Variants in GPT2 observed in about 807,000 individuals in gnomAD.
The protein encoded by GPT2 is glutamic--pyruvic transaminase 2.
GPT2 carries 30 observed loss-of-function variants against 56.9 expected under a neutral mutation model. The observed-to-expected ratio is 0.53, with a 90% CI of 0.39 to 0.72. The LOEUF is 0.72. GPT2 is among the 30% of genes least tolerant of loss of function. GPT2 has a pLI of 0.00. For synonymous variants in GPT2, 271 were observed against 283.1 expected (o/e 0.96, Z 0.43); for missense variants, 542 against 703.4 (o/e 0.77, Z 2.60).
At chr16:46,920,723 G>C (rs1961270963) in intron 8 of GPT2, among the ~76,000 whole-genome samples, 1 of 152,222 alleles carries the variant, frequency 6.6e-6, no homozygotes, top group South Asian at 2.1e-4. Flanking sequence ...TCTGGGCGCA[G>C]GCTAACAGGC....
Position 46,928,921 on chromosome 16 carries a change from C to T in GPT2, c.1496C>T (p.Pro499Leu). ...TCTCCTGCCAGGATGACTATCCTCC[C>T]TCCAGTGGAGAAGCTGAAAACGGTG... ...GTYHFRMTILPPVEKLKTVLQ... is the reference protein window; with the variant it reads ...GTYHFRMTILLPVEKLKTVLQ... Residue 499 changes from proline (P) to leucine (L), a missense_variant, in exon 12 of 12, where the codon CCT becomes CTT. Coordinates refer to ENST00000340124, the MANE Select transcript of GPT2 (RefSeq NM_133443.4). The T allele has an allele frequency of 1.2e-6, 2 of 1,613,844 alleles. No individual in the cohort carries two copies. The highest frequency in any genetic ancestry group is 1.7e-6 in the Non-Finnish European group (2 of 1,179,712).
At chr16:46,895,030 C>T (rs912211374) in intron 2 of GPT2, among the ~76,000 whole-genome samples, 1 of 152,086 alleles carries the variant, frequency 6.6e-6, no homozygotes, top group Non-Finnish European at 1.5e-5. Context: ...CCACAAGGGG[C>T]TTAGAGGACC....
At chr16:46,923,587 C>T (rs1039854754) in intron 9 of GPT2, among the ~76,000 whole-genome samples, 22 of 152,250 alleles carry the variant, frequency 1.4e-4, no homozygotes, top group Admixed American at 2.6e-4. Context: ...ATGCTCCCCA[C>T]GTGGACAGGC....
At chr16:46,885,304 AG>A in intron 2 of GPT2, 1 of 948,508 alleles carries the variant, frequency 1.1e-6, no homozygotes, top group Non-Finnish European at 1.3e-6. Flanking sequence ...GAAGCAATAG[AG>A]TCTCAGTGAT....
At position 46,909,860 on chromosome 16, in the gene GPT2, G is replaced by A. The variant is rs760209746; in HGVS notation, c.753G>A (p.Ala251=). The A allele has an allele frequency of 1.4e-5, 23 of 1,613,998 alleles. No individual in the cohort carries two copies. The highest frequency in any genetic ancestry group is 8.3e-5 in the Admixed American group (5 of 60,000). The change falls in exon 6 of 12, where the codon GCG becomes GCA. Residue 251 remains alanine, a synonymous_variant. Coordinates refer to ENST00000340124, the MANE Select transcript of GPT2 (RefSeq NM_133443.4). The stretch of plus-strand genomic sequence containing the variant: ...TGAATGTGAATGAGCTCCGGCGGGC[G>A]GTGCAGGAGGCCAAAGACCACTGTG... ...WALNVNELRR[A]VQEAKDHCDP...
intron 6 of GPT2, 64 bp from the exon 7 acceptor site, chr16:46,916,564 C>G: frequency 7.9e-7 from 1 of 1,265,224 alleles, no homozygotes; most frequent in Non-Finnish European, 1.2e-6. Flanking sequence ...GGATGGGCTT[C>G]TGACCTGGGG....
intron 7 of GPT2, 102 bp downstream of exon 7, chr16:46,916,809 T>A: frequency 1.2e-6 from 1 of 835,060 alleles, no homozygotes; most frequent in South Asian, 1.4e-5. Flanking sequence ...TGTCTTGGTG[T>A]TGGAGGAATG....
In GPT2 at chr16:46,897,875, T is replaced by C. The variant is rs1420846328; in HGVS notation, c.333+138T>C. The C allele has an allele frequency of 7.3e-6, 5 of 688,660 alleles. No individual in the cohort carries two copies. The African/African-American group carries it at 9.1e-5, about 12-fold the overall frequency. The allele number at this position is 688,660 out of a possible 1,614,324, so 42.7% of individuals were successfully genotyped here. On this transcript the variant is annotated intron_variant, in intron 3 of 11. Coordinates refer to ENST00000340124, the MANE Select transcript of GPT2 (RefSeq NM_133443.4). ...CCTCTGGCTGTCTCCCTTAGCCTCC[T>C]TCCTGCCTTTCTGAGGTTGTTGAAA...
chr16:46,902,257 G>T (rs1452997540), intron 4 of GPT2, among the ~76,000 whole-genome samples: 1 of 152,184 alleles, frequency 6.6e-6, no homozygotes, highest in Non-Finnish European at 1.5e-5. Context: ...ATGGTTTTTG[G>T]GACCCACCCT....
intron 5 of GPT2, among the ~76,000 whole-genome samples, chr16:46,908,195 G>A (rs566135871): frequency 6.6e-6 from 1 of 151,714 alleles, no homozygotes; most frequent in African/African-American, 2.4e-5. Flanking sequence ...GGAGCCTGCA[G>A]TCCTGGGCTT....
At chr16:46,907,122 A>G in intron 5 of GPT2, 147 bp downstream of exon 5, 1 of 993,438 alleles carries the variant, frequency 1.0e-6, no homozygotes, top group Non-Finnish European at 1.5e-6. Flanking sequence ...GGCAGCCTGC[A>G]GTCTTTGCCT....
intron 2 of GPT2, among the ~76,000 whole-genome samples, chr16:46,890,392 G>T (rs1960563672): frequency 6.6e-6 from 1 of 152,140 alleles, no homozygotes; most frequent in Non-Finnish European, 1.5e-5. Context: ...CCCACACCCT[G>T]CCATTCTCCT....
rs1366576012 is a variant in GPT2 at position 46,924,370 on chromosome 16, T to G, written c.1213-19T>G. 1 of 1,613,734 alleles carries G rather than the reference T, an allele frequency of 6.2e-7. No individual in the cohort carries two copies. ...TATCCAGAGATACTGACTGCTGTGC[T>G]GTTTCCATCTCTCATCAGGAGAAGG... On this transcript the variant is annotated intron_variant, in intron 9 of 11. Transcript: ENST00000340124.
chr16:46,894,776 C>T (rs1183819899), intron 2 of GPT2, among the ~76,000 whole-genome samples: 4 of 152,196 alleles, frequency 2.6e-5, no homozygotes, highest in Non-Finnish European at 5.9e-5. Context: ...TGCCATTCTC[C>T]TGCCTCAGCG....
intron 6 of GPT2, chr16:46,916,354 TAA>T (rs796492430): frequency 4.4e-4 from 105 of 238,298 alleles, no homozygotes; most frequent in Middle Eastern, 1.4e-3. Context: ...TCAAAAAAAT[TAA>T]AAAAAAAAAA....
At chr16:46,917,781 TACAC>T (rs1185170656) in intron 7 of GPT2, among the ~76,000 whole-genome samples, 1 of 151,948 alleles carries the variant, frequency 6.6e-6, no homozygotes, top group Non-Finnish European at 1.5e-5. Context: ...CACACATACA[TACAC>T]ACACAGCTTA....
intron 6 of GPT2, among the ~76,000 whole-genome samples, chr16:46,913,741 CAT>C (rs139532893): frequency 6.6e-6 from 1 of 151,644 alleles, no homozygotes; most frequent in Non-Finnish European, 1.5e-5. Context: ...TACTGTTTTG[CAT>C]ATATATATAT....
chr16:46,930,833 TAA>T lies in GPT2; in HGVS notation c.*1840_*1841del, dbSNP rs1039008787. ...ACTTTACAACGTTTACACAGTTTTT[TAA>T]AAAGAGACTGTATACACTTGATTTG... is the stretch of plus-strand genomic sequence containing the variant. On this transcript the variant is annotated 3_prime_UTR_variant, in exon 12 of 12. Coordinates refer to ENST00000340124, the MANE Select transcript of GPT2 (RefSeq NM_133443.4). 1 of 152,638 alleles carries T rather than the reference TAA, an allele frequency of 6.6e-6. No individual in the cohort carries two copies. The highest frequency in any genetic ancestry group is 2.4e-5 in the African/African-American group (1 of 41,456). 9.5% of individuals were successfully genotyped at this position (152,638 alleles called of 1,614,324 possible).
intron 7 of GPT2, among the ~76,000 whole-genome samples, chr16:46,918,197 C>T (rs1961210722): frequency 6.6e-6 from 1 of 152,136 alleles, no homozygotes; most frequent in South Asian, 2.1e-4. Context: ...GCAAAGGAAA[C>T]CCAACAGGGT....
Sources: allele counts gnomAD v4.1 joint callset (sites outside exome capture counted in the v4.1 genomes callset), GRCh38; gene constraint gnomAD v4.1.1; transcripts MANE v1.5; gene names NCBI Gene and HGNC (gene_info 2026-07-23, HGNC 2026-07-21).